Variants in PTDSS2 observed in about 807,000 individuals in gnomAD.
PTDSS2 encodes phosphatidylserine synthase 2.
A neutral mutation model predicts 64.7 loss-of-function variants in PTDSS2; 41 were observed. That is an observed-to-expected ratio of 0.63 (90% CI 0.49 to 0.82). The LOEUF (loss-of-function observed/expected upper bound fraction) is 0.82, where lower values mean the gene tolerates loss of function less well. PTDSS2 is among the 40% of genes least tolerant of loss of function. The probability of loss-of-function intolerance (pLI) is 0.00; values close to 1 mark genes in which losing one functional copy is unlikely to be tolerated. For missense variants in PTDSS2, 485 were observed against 650.0 expected (o/e 0.75, Z 2.76); for synonymous variants, 297 against 277.8 (o/e 1.07, Z -0.69).
rs546375605 is a variant in PTDSS2 at position 451,501 on chromosome 11, G to A, written c.182+864G>A. The A allele has an allele frequency of 1.9e-4, 67 of 360,386 alleles. 1 individual carries two copies. Among genetic ancestry groups the A allele is most frequent in the South Asian group, 1.2e-3 (64 of 52,478 alleles). 22.3% of individuals were successfully genotyped at this position (360,386 alleles called of 1,614,324 possible). ...GCTCTTCTTGACTGCAAGGTGCCCA[G>A]TTCCCATCCTGTGGAAGGCCCGGGG... On this transcript the variant is annotated intron_variant, in intron 1 of 11. Transcript: ENST00000308020.
chr11:460,104 G>C lies in PTDSS2; in HGVS notation c.183-83G>C. On this transcript the variant is annotated intron_variant, in intron 1 of 11. Transcript: ENST00000308020. The surrounding 1 kb of genome is among the most constrained non-coding windows in gnomAD (Gnocchi z 5.8). ...GAGTTTAAGCCCTCTCCTTGACGTA[G>C]AGAGGATTTGGGGCCTGTTACGTGA... 1 of 1,075,348 alleles carries C rather than the reference G, an allele frequency of 9.3e-7. No homozygotes were observed. The highest frequency in any genetic ancestry group is 2.5e-5 in the East Asian group (1 of 40,010). 66.6% of individuals were successfully genotyped at this position (1,075,348 alleles called of 1,614,324 possible).
chr11:487,420 G>GACAAGTTGGATGGCTTTGTTCCCGCGC lies in PTDSS2; in HGVS notation c.574_600dup (p.Lys192_His200dup). The GACAAGTTGGATGGCTTTGTTCCCGCGC allele has an allele frequency of 6.2e-7, 1 of 1,613,972 alleles. No homozygotes were observed. The highest frequency in any genetic ancestry group is 2.2e-5 in the East Asian group (1 of 44,888). On this transcript the variant is annotated inframe_insertion and splice_region_variant, in exon 6 of 12. Coordinates refer to ENST00000308020, the MANE Select transcript of PTDSS2 (RefSeq NM_030783.3). ...AAGGGTCATACCCTGTCGCCCACAG[G>GACAAGTTGGATGGCTTTGTTCCCGCGC]ACAAGTTGGATGGCTTTGTTCCCGC...
intron 4 of PTDSS2, among the ~76,000 whole-genome samples, chr11:485,308 TGC>T (rs1848295145): frequency 8.5e-6 from 1 of 118,142 alleles, no homozygotes. Flanking sequence ...GCTCACTGTG[TGC>T]GCAGGCGAGT....
intron 1 of PTDSS2, among the ~76,000 whole-genome samples, chr11:453,546 C>T (rs1846445813): frequency 2.0e-5 from 3 of 152,202 alleles, no homozygotes; most frequent in African/African-American, 7.2e-5. Flanking sequence ...GACCTCTGAC[C>T]TTCAGATACC....
intron 1 of PTDSS2, chr11:458,630 C>G (rs577936940): frequency 6.6e-6 from 1 of 151,660 alleles, no homozygotes; most frequent in African/African-American, 2.4e-5. Context: ...TGCCACCTCC[C>G]GAGTAGCTGG....
At chr11:483,451 T>C (rs1294687007) in intron 4 of PTDSS2, among the ~76,000 whole-genome samples, 1 of 152,252 alleles carries the variant, frequency 6.6e-6, no homozygotes, top group Non-Finnish European at 1.5e-5. Context: ...TCTGTGAGTT[T>C]TTCGTAGATC....
intron 4 of PTDSS2, among the ~76,000 whole-genome samples, chr11:485,037 GCTCA>G (rs529383005): frequency 4.2e-4 from 60 of 141,706 alleles, no homozygotes; most frequent in African/African-American, 1.2e-3. Flanking sequence ...GCGCGTGTGT[GCTCA>G]CTGTGTGCGC....
chr11:458,103 T>C (rs1326695261), intron 1 of PTDSS2, among the ~76,000 whole-genome samples: 1 of 152,252 alleles, frequency 6.6e-6, no homozygotes, highest in Non-Finnish European at 1.5e-5. Flanking sequence ...GCCATTTGTA[T>C]GTTTTCCTTG....
At chr11:490,350 C>G in intron 11 of PTDSS2, 70 bp from the exon 12 acceptor site, 5 of 1,599,608 alleles carry the variant, frequency 3.1e-6, no homozygotes, top group Non-Finnish European at 4.3e-6. Context: ...GGACTAGGTG[C>G]CAGCTGTCCA....
At chr11:487,267 G>C (rs1848436472) in intron 5 of PTDSS2, 153 bp from the exon 6 acceptor site, 1 of 928,086 alleles carries the variant, frequency 1.1e-6, no homozygotes, top group East Asian at 2.4e-5. Context: ...GGCTGTCGTG[G>C]ACGTGGTCTC....
rs572532565 is a variant in PTDSS2, at chr11:458,497, G to A, written c.183-1690G>A. ...TGGGATTATAGGCGTGAGCCACCGCGCCTGGCCTGATTTTTTTTTTTTTTT... is the reference window on the plus strand; with the variant it reads ...TGGGATTATAGGCGTGAGCCACCGCACCTGGCCTGATTTTTTTTTTTTTTT... On this transcript the variant is annotated intron_variant, in intron 1 of 11. Transcript: ENST00000308020. 1.5e-3 allele frequency among the ~76,000 whole-genome samples: 221 copies of A among 148,226 alleles called. 1 individual carries two copies. Among genetic ancestry groups the A allele is most frequent in the African/African-American group, 4.8e-3 (192 of 39,666 alleles).
Position 490,778 on chromosome 11 carries a change from A to ACGTGTGTATGCGTGTGTGTACG in PTDSS2, c.*205_*226dup, listed in dbSNP as rs1848641480. The ACGTGTGTATGCGTGTGTGTACG allele has an allele frequency of 1.6e-6, 1 of 610,938 alleles. No homozygotes were observed. Among genetic ancestry groups the ACGTGTGTATGCGTGTGTGTACG allele is most frequent in the South Asian group, 2.0e-5 (1 of 50,572 alleles). The allele number at this position is 610,938 out of a possible 1,614,324, so 37.8% of individuals were successfully genotyped here. ...CTCATCTCCATGTGTACACGTGTGT[A>ACGTGTGTATGCGTGTGTGTACG]CGTGTGTATGCGTGTGTGTACGCGT... On this transcript the variant is annotated 3_prime_UTR_variant, in exon 12 of 12. Transcript: ENST00000308020.
At chr11:463,654 C>T (rs1288763976) in intron 2 of PTDSS2, 2 of 151,548 alleles carry the variant, frequency 1.3e-5, no homozygotes, top group Non-Finnish European at 2.9e-5. Flanking sequence ...TCCCGCCATT[C>T]TCCTGCCTCA....
chr11:487,720 G>A (rs928142024), intron 6 of PTDSS2, among the ~76,000 whole-genome samples: 5 of 152,186 alleles, frequency 3.3e-5, no homozygotes, highest in Non-Finnish European at 7.4e-5. Context: ...AGGAAGTCCC[G>A]CCCCTGCCTG....
chr11:489,280 G>T (rs1848552603), intron 8 of PTDSS2, 120 bp from the exon 9 acceptor site: 7 of 791,588 alleles, frequency 8.8e-6, no homozygotes, highest in Non-Finnish European at 1.4e-5. Flanking sequence ...GTGACCAAGA[G>T]CAGAGCTCGT....
At chr11:463,172 AAAAAAG>A (rs928724945) in intron 2 of PTDSS2, 1 of 151,934 alleles carries the variant, frequency 6.6e-6, no homozygotes, top group African/African-American at 2.4e-5. Context: ...CTCAAAAAAA[AAAAAAG>A]AAAAGAAAAG....
chr11:472,661 C>T (rs116117138), intron 2 of PTDSS2, among the ~76,000 whole-genome samples: 1,989 of 152,326 alleles, frequency 0.013, 50 homozygotes, highest in African/African-American at 0.045. Flanking sequence ...TGCTTGGCCT[C>T]ACCTGCCTCT....
chr11:490,487 A>G lies in PTDSS2; in HGVS notation c.1369A>G (p.Thr457Ala), dbSNP rs760185608. Residue 457 changes from threonine (T) to alanine (A), a missense_variant, in exon 12 of 12, where the codon ACC (threonine) becomes GCC (alanine). Thr to Ala is a moderately conservative substitution (Grantham distance 58). This residue lies in a region of PTDSS2 where 219 missense variants were observed against 257.3 expected (regional missense o/e 0.85). Coordinates refer to ENST00000308020, the MANE Select transcript of PTDSS2 (RefSeq NM_030783.3). ...KWQNKDDQGS[T>A]VGNGDQHPLG... Reference sequence around the variant, plus strand: ...GCAGAACAAGGATGACCAGGGCAGCACCGTCGGCAACGGGGACCAGCACCC... The same window carrying G: ...GCAGAACAAGGATGACCAGGGCAGCGCCGTCGGCAACGGGGACCAGCACCC... 3.7e-5 allele frequency: 60 copies of G among 1,613,154 alleles called. 1 individual carries two copies. The East Asian group carries it at 1.3e-3, about 35-fold the overall frequency.
intron 2 of PTDSS2, among the ~76,000 whole-genome samples, chr11:466,815 G>A (rs533551212): frequency 6.6e-5 from 10 of 152,240 alleles, no homozygotes; most frequent in East Asian, 1.9e-4. Flanking sequence ...CCCTCCACAC[G>A]TGGGGATTAC....
Sources: gnomAD v4.1 joint callset for allele counts (sites outside exome capture counted in the v4.1 genomes callset) on GRCh38, gnomAD v4.1.1 for gene constraint, gnomAD v4.1.1 regional missense constraint, Gnocchi (gnomAD v3.1) non-coding constraint, MANE v1.5 for transcripts, NCBI Gene and HGNC (gene_info 2026-07-23, HGNC 2026-07-21) for gene names.